F10: variants seen among roughly 807,000 people sequenced by gnomAD.
F10 encodes the protein coagulation factor X, also known as Stuart-Prower factor.
F10 carries 29 observed loss-of-function variants against 37.1 expected under a neutral mutation model. That is an observed-to-expected ratio of 0.78 (90% CI 0.58 to 1.07). F10 has a LOEUF of 1.07. F10 is among the 50% of genes least tolerant of loss of function. The pLI, the probability that F10 is intolerant of heterozygous loss-of-function variation, is 0.00. For synonymous variants in F10, 262 were observed against 268.6 expected (o/e 0.98, Z 0.24); for missense variants, 539 against 667.9 (o/e 0.81, Z 2.13).
At position 113,141,824 on chromosome 13, in the gene F10, G is replaced by A. The variant is rs3213004; in HGVS notation, c.502+774G>A. 0.034 allele frequency among the ~76,000 whole-genome samples: 5,108 copies of A among 152,234 alleles called. 97 individuals are homozygous for A. The highest frequency in any genetic ancestry group is 0.049 in the Non-Finnish European group (3,346 of 68,002). On this transcript the variant is annotated intron_variant, in intron 5 of 7. Transcript: ENST00000375559. This position sits in a 1 kb window ranked among gnomAD's most constrained non-coding sequence, Gnocchi z 5.4. ...ACCCGCAGCGTTGGCCTCACCCGGG[G>A]GCATATTCGAAGGGCAGAGTTCCAG...
At chr13:113,128,077 G>C (rs1331250639) in intron 1 of F10, 1 of 152,198 alleles carries the variant, frequency 6.6e-6, no homozygotes, top group Non-Finnish European at 1.5e-5. Flanking sequence ...CTGGGGGGAG[G>C]GGGGAAATGG....
chr13:113,129,407 G>GTGAAGAGGAGCCTGGA (rs1566915578), intron 1 of F10, 45 bp from the exon 2 acceptor site: 1 of 1,612,048 alleles, frequency 6.2e-7, no homozygotes, highest in African/African-American at 1.3e-5. Flanking sequence ...GGGAGCCTGG[G>GTGAAGAGGAGCCTGGA]TGAGGGTGAC....
At position 113,143,482 on chromosome 13, in the gene F10, G is replaced by A. The variant is rs943466509; in HGVS notation, c.503-369G>A. Among the ~76,000 whole-genome samples, 15 of 152,112 alleles carry A rather than the reference G, an allele frequency of 9.9e-5. No homozygotes were observed. Among genetic ancestry groups the A allele is most frequent in the African/African-American group, 3.4e-4 (14 of 41,418 alleles). ...TGGGTTCTCCTGTTGGCATCCTCCG[G>A]CCAGATGCATTCATCCCATTTCGCC... On this transcript the variant is annotated intron_variant, in intron 5 of 7. Transcript: ENST00000375559. The surrounding 1 kb of genome is among the most constrained non-coding windows in gnomAD (Gnocchi z 6.8).
Position 113,143,745 on chromosome 13 carries a change from G to GT in F10, c.503-106_503-105insT. 1 of 1,566,866 alleles carries GT rather than the reference G, an allele frequency of 6.4e-7. No individual in the cohort carries two copies. Among genetic ancestry groups the GT allele is most frequent in the Non-Finnish European group, 8.6e-7 (1 of 1,156,734 alleles). ...GCCCGCTGCCCCTCCGGGTGCCCCT[G>GT]CGCTCTGCCTCCCGGCTCTCTGACT... On this transcript the variant is annotated intron_variant, in intron 5 of 7. Coordinates refer to ENST00000375559, the MANE Select transcript of F10 (RefSeq NM_000504.4). This position sits in a 1 kb window ranked among gnomAD's most constrained non-coding sequence, Gnocchi z 6.8.
At chr13:113,129,331 A>G in intron 1 of F10, 121 bp from the exon 2 acceptor site, 2 of 1,289,294 alleles carry the variant, frequency 1.6e-6, no homozygotes, top group Non-Finnish European at 2.2e-6. Flanking sequence ...GGTTTACAAG[A>G]GAGTGATCCG....
At chr13:113,133,640 A>G (rs2036453613) in intron 2 of F10, among the ~76,000 whole-genome samples, 1 of 152,232 alleles carries the variant, frequency 6.6e-6, no homozygotes. Flanking sequence ...CAACTCTTCC[A>G]GAACATAGAA....
At chr13:113,137,867 T>G (rs1486088595) in intron 2 of F10, among the ~76,000 whole-genome samples, 3 of 152,198 alleles carry the variant, frequency 2.0e-5, no homozygotes, top group Non-Finnish European at 4.4e-5. Context: ...TCTACAGCCT[T>G]GGCTTAGTTA....
intron 1 of F10, chr13:113,128,508 A>T (rs1030031745): frequency 4.6e-5 from 7 of 152,250 alleles, no homozygotes; most frequent in African/African-American, 1.7e-4. Flanking sequence ...GAAGACTCAT[A>T]GGTGGCCACC....
chr13:113,122,966 G>A (rs1432533102), intron 1 of F10, 41 bp downstream of exon 1: 2 of 1,600,048 alleles, frequency 1.2e-6, no homozygotes, highest in Admixed American at 1.7e-5. Flanking sequence ...GCAGCGCCAG[G>A]GAGCAGGGAG....
In F10 at chr13:113,129,444, C is replaced by G; in HGVS notation, c.71-8C>G. On this transcript the variant is annotated splice_polypyrimidine_tract_variant and splice_region_variant and intron_variant, in intron 1 of 7. Coordinates refer to ENST00000375559, the MANE Select transcript of F10 (RefSeq NM_000504.4). Reference sequence around the variant, plus strand: ...AGAGCTTTTAACCCTGTCCTCCCTGCCTTCCAGTGTTCATCCGCAGGGAGC... The same window carrying G: ...AGAGCTTTTAACCCTGTCCTCCCTGGCTTCCAGTGTTCATCCGCAGGGAGC... 6.2e-7 allele frequency: 1 copy of G among 1,613,334 alleles called. No homozygotes were observed. The highest frequency in any genetic ancestry group is 8.5e-7 in the Non-Finnish European group (1 of 1,179,962).
At chr13:113,137,716 C>T (rs1373345681) in intron 2 of F10, among the ~76,000 whole-genome samples, 5 of 152,126 alleles carry the variant, frequency 3.3e-5, no homozygotes, top group Admixed American at 3.3e-4. Flanking sequence ...CATGGGCATC[C>T]TTGGGCTGCG....
intron 1 of F10, 35 bp downstream of exon 1, chr13:113,122,960 C>G: frequency 6.2e-7 from 1 of 1,603,446 alleles, no homozygotes; most frequent in East Asian, 2.2e-5. Context: ...CCAAAAGCAG[C>G]GCCAGGGAGC....
chr13:113,129,397 G>A (rs115215038), intron 1 of F10, 55 bp from the exon 2 acceptor site: 64 of 1,605,492 alleles, frequency 4.0e-5, no homozygotes, highest in African/African-American at 2.3e-4. Flanking sequence ...ATAGGTGAGG[G>A]GGAGCCTGGG....
rs1375992823 is a variant in F10, at chr13:113,143,524, G to A, written c.503-327G>A. On this transcript the variant is annotated intron_variant, in intron 5 of 7. Coordinates refer to ENST00000375559, the MANE Select transcript of F10 (RefSeq NM_000504.4). The surrounding 1 kb of genome is among the most constrained non-coding windows in gnomAD (Gnocchi z 6.8). ...CATTTCGCCCGGCCCGTTTGTCTCT[G>A]TCCATCCGTCAAGCTTTCTTGACTT... 6.6e-6 allele frequency among the ~76,000 whole-genome samples: 1 copy of A among 152,136 alleles called. No individual in the cohort carries two copies. The highest frequency in any genetic ancestry group is 1.9e-4 in the East Asian group (1 of 5,190).
chr13:113,126,054 G>A (rs2036367316), intron 1 of F10, among the ~76,000 whole-genome samples: 1 of 152,150 alleles, frequency 6.6e-6, no homozygotes, highest in African/African-American at 2.4e-5. Flanking sequence ...AAAAGTCCTG[G>A]GGTGTGAGTG....
In F10 at chr13:113,143,700, C is replaced by CCA; in HGVS notation, c.503-151_503-150insCA. The stretch of plus-strand genomic sequence containing the variant: ...CTGCAGATCCGACCCCTGCCGACGA[C>CCA]GTGGGGCCTCGCCCTGCAAGCCCGC... On this transcript the variant is annotated intron_variant, in intron 5 of 7. Coordinates refer to ENST00000375559, the MANE Select transcript of F10 (RefSeq NM_000504.4). The surrounding 1 kb of genome is among the most constrained non-coding windows in gnomAD (Gnocchi z 6.8). 79 of 1,143,782 alleles carry CCA rather than the reference C, an allele frequency of 6.9e-5. No homozygotes were observed. Among genetic ancestry groups the CCA allele is most frequent in the Admixed American group, 2.7e-4 (11 of 40,558 alleles). The allele number at this position is 1,143,782 out of a possible 1,614,324, so 70.9% of individuals were successfully genotyped here.
intron 1 of F10, among the ~76,000 whole-genome samples, chr13:113,127,291 G>A (rs778080252): frequency 3.3e-5 from 5 of 152,200 alleles, no homozygotes; most frequent in Non-Finnish European, 7.3e-5. Context: ...GGAGAGTTTG[G>A]AGTTCTGAGA....
At chr13:113,133,231 A>G (rs374329582) in intron 2 of F10, among the ~76,000 whole-genome samples, 1 of 152,150 alleles carries the variant, frequency 6.6e-6, no homozygotes, top group Non-Finnish European at 1.5e-5. Context: ...GAAAAAGCAG[A>G]AATCAAAGAA....
chr13:113,124,362 G>A (rs866571030), intron 1 of F10, among the ~76,000 whole-genome samples: 10 of 152,266 alleles, frequency 6.6e-5, no homozygotes, highest in Admixed American at 1.3e-4. Context: ...AAATGCAGGC[G>A]CCCACCTCGC....
Sources: gnomAD v4.1 joint callset for allele counts (sites outside exome capture counted in the v4.1 genomes callset) on GRCh38, gnomAD v4.1.1 for gene constraint, Gnocchi (gnomAD v3.1) non-coding constraint, MANE v1.5 for transcripts, NCBI Gene and HGNC (gene_info 2026-07-23, HGNC 2026-07-21) for gene names.